SLC25A26: variants seen among roughly 807,000 people sequenced by gnomAD.
SLC25A26 encodes the protein mitochondrial S-adenosylmethionine carrier protein.
In SLC25A26, 36 loss-of-function variants were observed where a neutral mutation model predicts 37.8. The ratio of observed to expected loss-of-function variants is 0.95; its 90% CI spans 0.73 to 1.26. The LOEUF is 1.26. SLC25A26 is among the 50% of genes most tolerant of loss of function. The pLI is 0.00. For synonymous variants in SLC25A26, 129 were observed against 122.5 expected (o/e 1.05, Z -0.35); for missense variants, 390 against 331.1 (o/e 1.18, Z -1.38).
chr3:66,372,309 G>T (rs1700392229), intron 9 of SLC25A26, among the ~76,000 whole-genome samples: 2 of 152,182 alleles, frequency 1.3e-5, no homozygotes, highest in African/African-American at 4.8e-5. Context: ...CAGAGCTGCA[G>T]CCCCTCAGCC....
intron 5 of SLC25A26, among the ~76,000 whole-genome samples, chr3:66,306,454 A>G (rs2075224466): frequency 6.6e-6 from 1 of 151,756 alleles, no homozygotes; most frequent in Non-Finnish European, 1.5e-5. Context: ...CCACTTTTTA[A>G]TAGGGTTGTT....
chr3:66,182,126 G>A lies in SLC25A26; in HGVS notation c.-353-38616G>A, dbSNP rs148383059. ...ACTAGGACAAAAAGAAAGAGAACAG[G>A]GTCCGTGGTGGAGCAGATAATCAAT... On this transcript the variant is annotated intron_variant, in intron 1 of 10. Transcript: ENST00000676754. 3.3e-4 allele frequency among the ~76,000 whole-genome samples: 51 copies of A among 152,242 alleles called. 2 individuals carry two copies. The East Asian group carries it at 9.7e-3, about 29-fold the overall frequency.
chr3:66,345,025 A>AG (rs1292442441), intron 5 of SLC25A26, among the ~76,000 whole-genome samples: 1 of 152,226 alleles, frequency 6.6e-6, no homozygotes, highest in Non-Finnish European at 1.5e-5. Context: ...AGTGAAATAA[A>AG]GCTTACAAAG....
intron 1 of SLC25A26, among the ~76,000 whole-genome samples, chr3:66,210,466 G>A (rs1380495472): frequency 6.6e-6 from 1 of 152,166 alleles, no homozygotes; most frequent in South Asian, 2.1e-4. Flanking sequence ...ATGTGGGAGT[G>A]GGGGTTGGCA....
chr3:66,313,166 A>G (rs1047055949), intron 5 of SLC25A26, among the ~76,000 whole-genome samples: 1 of 151,950 alleles, frequency 6.6e-6, no homozygotes, highest in African/African-American at 2.4e-5. Context: ...TTTTGTTACT[A>G]TTGCTTTTGG....
At chr3:66,356,168 T>A in intron 6 of SLC25A26, 1 of 440,478 alleles carries the variant, frequency 2.3e-6, no homozygotes, top group Non-Finnish European at 4.5e-6. Context: ...GTGGGTCTTT[T>A]AAAAGTGAAA....
chr3:66,267,026 A>C (rs148476417), intron 5 of SLC25A26, among the ~76,000 whole-genome samples: 1 of 152,178 alleles, frequency 6.6e-6, no homozygotes, highest in African/African-American at 2.4e-5. Context: ...TCCTTTCTGG[A>C]GTGCCTACTG....
At chr3:66,137,676 C>T (rs941900736) in intron 1 of SLC25A26, among the ~76,000 whole-genome samples, 2 of 152,158 alleles carry the variant, frequency 1.3e-5, no homozygotes, top group African/African-American at 2.4e-5. Flanking sequence ...GAATAAGATG[C>T]TCTGTGTGAC....
intron 1 of SLC25A26, among the ~76,000 whole-genome samples, chr3:66,229,143 T>G (rs1559593010): frequency 6.6e-6 from 1 of 152,230 alleles, no homozygotes; most frequent in African/African-American, 2.4e-5. Flanking sequence ...GTAATATAAT[T>G]CTAAAAATAG....
At position 66,371,104 on chromosome 3, in the gene SLC25A26, C is replaced by G. The variant is rs928543356; in HGVS notation, c.707+502C>G. 4.3e-6 allele frequency: 6 copies of G among 1,400,568 alleles called. No individual in the cohort carries two copies. In the Admixed American group the frequency reaches 1.6e-4, roughly 37 times the overall value. The allele number at this position is 1,400,568 out of a possible 1,614,324, so 86.8% of individuals were successfully genotyped here. On this transcript the variant is annotated intron_variant, in intron 9 of 9. Coordinates refer to ENST00000354883, the MANE Select transcript of SLC25A26 (RefSeq NM_001379210.1). ...TCTAGCTTCATGTCCTAAAAGCTCT[C>G]TCTGCAAGATTAAAACATTGCTTTG...
chr3:66,149,644 C>A (rs920266265), intron 1 of SLC25A26, among the ~76,000 whole-genome samples: 6 of 152,110 alleles, frequency 3.9e-5, no homozygotes, highest in Non-Finnish European at 7.4e-5. Context: ...TCCAGGTAAA[C>A]AAACTGAGGT....
chr3:66,235,302 A>C lies in SLC25A26; in HGVS notation c.34-1242A>C, dbSNP rs190059262. On this transcript the variant is annotated intron_variant, in intron 1 of 9. Coordinates refer to ENST00000354883, the MANE Select transcript of SLC25A26 (RefSeq NM_001379210.1). ...ATTCTACATATTTGTCACTATAATC[A>C]TGAGGTACAGAGTTAGTTCTTAATC... Among the ~76,000 whole-genome samples the C allele has an allele frequency of 5.1e-3, 779 of 152,278 alleles. 7 individuals carry two copies. Among genetic ancestry groups the C allele is most frequent in the African/African-American group, 0.018 (752 of 41,554 alleles).
chr3:66,333,481 C>G (rs1266714670), intron 5 of SLC25A26, among the ~76,000 whole-genome samples: 3 of 152,172 alleles, frequency 2.0e-5, no homozygotes, highest in Non-Finnish European at 4.4e-5. Context: ...AAGCTTCTCT[C>G]TGCTGTAGTT....
chr3:66,245,931 A>C (rs2072816244), intron 3 of SLC25A26, among the ~76,000 whole-genome samples: 2 of 152,136 alleles, frequency 1.3e-5, no homozygotes, highest in South Asian at 2.1e-4. Flanking sequence ...ATCTCTCCCC[A>C]AAGGAAGCTC....
intron 1 of SLC25A26, among the ~76,000 whole-genome samples, chr3:66,142,189 T>C (rs2070045586): frequency 6.6e-6 from 1 of 152,240 alleles, no homozygotes; most frequent in Admixed American, 6.5e-5. Flanking sequence ...TCTGCTTCTC[T>C]AGATTTACCT....
chr3:66,183,409 A>G (rs745374439), intron 1 of SLC25A26, among the ~76,000 whole-genome samples: 1 of 151,790 alleles, frequency 6.6e-6, no homozygotes, highest in African/African-American at 2.4e-5. Flanking sequence ...GGCTAACCCT[A>G]TGCTCACCCT....
In SLC25A26 at chr3:66,215,901, A is replaced by C. The variant is rs907165156; in HGVS notation, c.-353-4841A>C. On this transcript the variant is annotated intron_variant, in intron 1 of 10. Coordinates refer to the SLC25A26 transcript ENST00000676754. The stretch of plus-strand genomic sequence containing the variant: ...GTAAAGAACAGAAATGTATTGCTCA[A>C]AATTCTGGAGGCTGGGAAGTCCAAG... Among the ~76,000 whole-genome samples, 76 of 152,330 alleles carry C rather than the reference A, an allele frequency of 5.0e-4. 2 individuals are homozygous for C. The South Asian group carries it at 0.016, about 31-fold the overall frequency.
intron 7 of SLC25A26, among the ~76,000 whole-genome samples, chr3:66,366,700 C>CT (rs1359999179): frequency 6.6e-6 from 1 of 152,168 alleles, no homozygotes; most frequent in African/African-American, 2.4e-5. Flanking sequence ...ACCTTTAGGT[C>CT]TTTTTAATTG....
At chr3:66,311,966 G>A (rs2075391202) in intron 5 of SLC25A26, among the ~76,000 whole-genome samples, 1 of 152,164 alleles carries the variant, frequency 6.6e-6, no homozygotes, top group South Asian at 2.1e-4. Flanking sequence ...GGAAGCATGG[G>A]GGTCAGGGAC....
Sources: gnomAD v4.1 joint callset for allele counts (sites outside exome capture counted in the v4.1 genomes callset) on GRCh38, gnomAD v4.1.1 for gene constraint, MANE v1.5 for transcripts, NCBI Gene and HGNC (gene_info 2026-07-23, HGNC 2026-07-21) for gene names.